RNF175: variants seen among roughly 807,000 people sequenced by gnomAD.
RNF175 encodes the protein ring finger protein 175.
A neutral mutation model predicts 50.0 loss-of-function variants in RNF175; 38 were observed. The ratio of observed to expected loss-of-function variants is 0.76; its 90% confidence interval spans 0.59 to 1.00. RNF175 has a LOEUF of 1.00. RNF175 is among the 50% of genes least tolerant of loss of function. The probability of loss-of-function intolerance (pLI) is 0.00; values close to 1 mark genes in which losing one functional copy is unlikely to be tolerated. For synonymous variants in RNF175, 155 were observed against 146.1 expected (o/e 1.06, Z -0.44); for missense variants, 388 against 409.6 (o/e 0.95, Z 0.46).
intron 1 of RNF175, among the ~76,000 whole-genome samples, chr4:153,756,704 G>T (rs6852465): frequency 0.53 from 80,464 of 152,060 alleles, 21,991 homozygotes; most frequent in Middle Eastern, 0.63. Context: ...CAAGGTGTCT[G>T]TTCTCATGAA....
chr4:153,719,396 C>A (rs1738184295), intron 6 of RNF175, among the ~76,000 whole-genome samples: 5 of 152,116 alleles, frequency 3.3e-5, no homozygotes, highest in African/African-American at 1.2e-4. Context: ...ACTGATTTTT[C>A]TACTTCACAT....
At chr4:153,731,829 A>G (rs1033736505) in intron 3 of RNF175, among the ~76,000 whole-genome samples, 2 of 152,178 alleles carry the variant, frequency 1.3e-5, no homozygotes, top group African/African-American at 4.8e-5. Flanking sequence ...GAGGGAGGGC[A>G]GTGGTGTGCT....
At chr4:153,714,805 A>G (rs1737801693) in intron 7 of RNF175, 1 of 153,112 alleles carries the variant, frequency 6.5e-6, no homozygotes, top group Non-Finnish European at 1.5e-5. Context: ...GTTCACATAG[A>G]ATGCTGGTTT....
chr4:153,733,210 C>T (rs551908183), intron 3 of RNF175, among the ~76,000 whole-genome samples: 2 of 152,058 alleles, frequency 1.3e-5, no homozygotes, highest in East Asian at 3.9e-4. Context: ...TAGTCTGTGT[C>T]CTCTTTAAGT....
At chr4:153,720,072 A>T in intron 6 of RNF175, 112 bp downstream of exon 6, 1 of 1,075,880 alleles carries the variant, frequency 9.3e-7, no homozygotes. Flanking sequence ...GGAAACAATA[A>T]TCAGTATATG....
At chr4:153,748,391 C>T (rs1740091874) in intron 3 of RNF175, 1 of 378,242 alleles carries the variant, frequency 2.6e-6, no homozygotes, top group East Asian at 4.4e-5. Context: ...TACCAGCATC[C>T]CTGGCCTCTA....
chr4:153,735,507 G>A (rs1390566286), intron 3 of RNF175, among the ~76,000 whole-genome samples: 2 of 152,052 alleles, frequency 1.3e-5, no homozygotes, highest in Non-Finnish European at 2.9e-5. Flanking sequence ...TCTATTGTGG[G>A]TCCTTTGCTT....
intron 4 of RNF175, among the ~76,000 whole-genome samples, chr4:153,726,694 G>A (rs1738719314): frequency 6.6e-6 from 1 of 152,206 alleles, no homozygotes; most frequent in Non-Finnish European, 1.5e-5. Flanking sequence ...ATTAAGCAAA[G>A]ATCCATGGTA....
At chr4:153,746,378 C>G (rs376748870) in intron 3 of RNF175, among the ~76,000 whole-genome samples, 77 of 152,352 alleles carry the variant, frequency 5.1e-4, no homozygotes, top group African/African-American at 1.5e-3. Flanking sequence ...GCCTTGCCCC[C>G]CCATGGCTTT....
chr4:153,711,397 G>A lies in RNF175; in HGVS notation c.867-908C>T, dbSNP rs189245266. 3.5e-4 allele frequency among the ~76,000 whole-genome samples: 53 copies of A among 151,740 alleles called. 2 individuals are homozygous for A. In the East Asian group the frequency reaches 9.0e-3, roughly 26 times the overall value. On this transcript the variant is annotated intron_variant, in intron 8 of 8. Transcript: ENST00000347063. ...AGAGGGTGGTCTCTTGCAATGGTAT[G>A]GGCCTTGAGACCCAAAGATCCACTG...
intron 3 of RNF175, among the ~76,000 whole-genome samples, chr4:153,734,870 G>A (rs1739268972): frequency 1.3e-5 from 2 of 151,590 alleles, no homozygotes; most frequent in Non-Finnish European, 2.9e-5. Context: ...TAGAGACGGG[G>A]TTTCATCGTG....
intron 1 of RNF175, among the ~76,000 whole-genome samples, chr4:153,757,373 T>TTATC (rs1740617977): frequency 6.6e-6 from 1 of 152,144 alleles, no homozygotes; most frequent in Non-Finnish European, 1.5e-5. Context: ...TTGGCTTTCA[T>TTATC]TATCTCTCAC....
chr4:153,732,081 A>T (rs1277674872), intron 3 of RNF175, among the ~76,000 whole-genome samples: 4 of 152,048 alleles, frequency 2.6e-5, no homozygotes, highest in African/African-American at 9.7e-5. Context: ...AAAATACAAA[A>T]ATTAGCTGGG....
chr4:153,730,656 CA>C (rs1240639248), intron 3 of RNF175, among the ~76,000 whole-genome samples: 2 of 151,974 alleles, frequency 1.3e-5, no homozygotes, highest in Non-Finnish European at 1.5e-5. Context: ...GAATTTGTTT[CA>C]TTTTTTTATT....
At chr4:153,712,385 T>C in intron 8 of RNF175, 90 bp downstream of exon 8, 1 of 871,960 alleles carries the variant, frequency 1.1e-6, no homozygotes, top group Non-Finnish European at 1.8e-6. Flanking sequence ...CTGCTGGAAC[T>C]ATACAAAAAC....
At chr4:153,754,200 T>C (rs1740451053) in intron 1 of RNF175, among the ~76,000 whole-genome samples, 1 of 148,922 alleles carries the variant, frequency 6.7e-6, no homozygotes, top group Non-Finnish European at 1.5e-5. Context: ...GAAAGTCTGG[T>C]AACTGATTGA....
At chr4:153,711,897 ATCTT>A (rs1241327704) in intron 8 of RNF175, among the ~76,000 whole-genome samples, 1 of 152,116 alleles carries the variant, frequency 6.6e-6, no homozygotes, top group Non-Finnish European at 1.5e-5. Flanking sequence ...AACTCTGTAA[ATCTT>A]TATTTATTTT....
chr4:153,728,529 T>G (rs1210396691), intron 3 of RNF175, among the ~76,000 whole-genome samples, 168 bp from the exon 4 acceptor site: 4 of 152,162 alleles, frequency 2.6e-5, no homozygotes, highest in African/African-American at 4.8e-5. Context: ...CAGGCCAGGC[T>G]ATGGGGAGTA....
intron 3 of RNF175, among the ~76,000 whole-genome samples, chr4:153,740,029 C>A (rs1739564490): frequency 6.6e-6 from 1 of 151,352 alleles, no homozygotes; most frequent in Non-Finnish European, 1.5e-5. Flanking sequence ...GTTCTATTTT[C>A]TTTTCACTCT....
Sources: gnomAD v4.1 joint callset for allele counts (sites outside exome capture counted in the v4.1 genomes callset) on GRCh38, gnomAD v4.1.1 for gene constraint, MANE v1.5 for transcripts, NCBI Gene and HGNC (gene_info 2026-07-23, HGNC 2026-07-21) for gene names.